COG5: variants seen among roughly 807,000 people sequenced by gnomAD.
COG5 encodes conserved oligomeric Golgi complex subunit 5.
In COG5, 86 loss-of-function variants were observed where a neutral mutation model predicts 110.4. The observed-to-expected ratio is 0.78, with a 90% CI of 0.65 to 0.93. COG5 has a LOEUF of 0.93. Ranked by LOEUF, COG5 falls within the 40% of genes least tolerant of loss-of-function variation. The pLI is 0.00. For synonymous variants in COG5, 360 were observed against 334.6 expected (o/e 1.08, Z -0.83); for missense variants, 1,077 against 987.0 (o/e 1.09, Z -1.22).
chr7:107,341,570 A>C (rs1273090434), intron 10 of COG5, among the ~76,000 whole-genome samples: 2 of 152,140 alleles, frequency 1.3e-5, no homozygotes, highest in Non-Finnish European at 2.9e-5. Flanking sequence ...TGAATAGTTA[A>C]AGCATCCTAA....
Position 107,256,831 on chromosome 7 carries a change from A to G in COG5, c.1687-37T>C, listed in dbSNP as rs1156826925. 2.0e-6 allele frequency: 3 copies of G among 1,481,078 alleles called. No homozygotes were observed. In the South Asian group the frequency reaches 3.4e-5, roughly 17 times the overall value. The allele number at this position is 1,481,078 out of a possible 1,614,324, so 91.7% of individuals were successfully genotyped here. A position where few individuals can be genotyped will look rare whatever the true frequency, so the allele number is the denominator to read the frequency against. On this transcript the variant is annotated intron_variant, in intron 15 of 21. Coordinates refer to ENST00000297135, the MANE Select transcript of COG5 (RefSeq NM_006348.5). The stretch of plus-strand genomic sequence containing the variant: ...TTTTGATCCAGTTATAGTTTCGCTT[A>G]AGTCTATTTCTGTAAATACTAATTT...
intron 6 of COG5, among the ~76,000 whole-genome samples, chr7:107,449,239 C>A (rs1402092617): frequency 6.6e-6 from 1 of 152,088 alleles, no homozygotes; most frequent in Non-Finnish European, 1.5e-5. Flanking sequence ...GGACTTAAAA[C>A]CTAGATGATG....
chr7:107,492,483 C>T (rs2129129209), intron 6 of COG5, among the ~76,000 whole-genome samples: 1 of 152,178 alleles, frequency 6.6e-6, no homozygotes, highest in African/African-American at 2.4e-5. Flanking sequence ...TCTGGAGGCC[C>T]TTAGGGGAGA....
intron 10 of COG5, among the ~76,000 whole-genome samples, chr7:107,346,284 C>G (rs1478853128): frequency 6.6e-6 from 1 of 152,082 alleles, no homozygotes; most frequent in Non-Finnish European, 1.5e-5. Context: ...TCATTTAAAA[C>G]TACTGAAGGA....
chr7:107,482,947 TA>T (rs1350505017), intron 6 of COG5, among the ~76,000 whole-genome samples: 14 of 152,208 alleles, frequency 9.2e-5, no homozygotes. Flanking sequence ...CGCTAAAACA[TA>T]ACTGACATAA....
rs116605831 is a variant in COG5 at position 107,469,751 on chromosome 7, C to A, written c.539-57119G>T. 7.2e-3 allele frequency among the ~76,000 whole-genome samples: 1,092 copies of A among 151,962 alleles called. 15 individuals carry two copies. The highest frequency in any genetic ancestry group is 0.023 in the African/African-American group (961 of 41,448). ...CTTTAGAAAGCATATATACTTTTTA[C>A]TATGTAATTCTTTCCTGTTCCCCCA... On this transcript the variant is annotated intron_variant, in intron 6 of 21. Transcript: ENST00000297135.
chr7:107,291,491 T>C (rs778724702), intron 12 of COG5, among the ~76,000 whole-genome samples: 5 of 152,212 alleles, frequency 3.3e-5, no homozygotes, highest in African/African-American at 7.2e-5. Flanking sequence ...ATTATTTTAA[T>C]GAAGTCTATC....
At chr7:107,390,396 G>C (rs750842083) in intron 7 of COG5, among the ~76,000 whole-genome samples, 7 of 152,118 alleles carry the variant, frequency 4.6e-5, no homozygotes, top group Admixed American at 1.3e-4. Flanking sequence ...CCTCGAGGCT[G>C]CTTTGGAATA....
chr7:107,541,835 G>A lies in COG5; in HGVS notation c.417+6276C>T, dbSNP rs1037547873. Among the ~76,000 whole-genome samples, 4 of 151,130 alleles carry A rather than the reference G, an allele frequency of 2.6e-5. 1 individual carries two copies. The highest frequency in any genetic ancestry group is 5.9e-5 in the Non-Finnish European group (4 of 67,838). On this transcript the variant is annotated intron_variant, in intron 5 of 21. Coordinates refer to ENST00000297135, the MANE Select transcript of COG5 (RefSeq NM_006348.5). ...ACTCCCAGCTACTCAGGAGGCTGAG[G>A]CAGAAGAATTGCTTGAAGCCAGGAG...
intron 10 of COG5, among the ~76,000 whole-genome samples, chr7:107,335,617 T>C (rs1469728107): frequency 6.6e-6 from 1 of 152,168 alleles, no homozygotes; most frequent in Non-Finnish European, 1.5e-5. Flanking sequence ...TCTTACTTAT[T>C]AGTAATAACA....
chr7:107,445,429 T>C (rs1408778402), intron 6 of COG5, among the ~76,000 whole-genome samples: 4 of 152,156 alleles, frequency 2.6e-5, no homozygotes, highest in Non-Finnish European at 4.4e-5. Flanking sequence ...CTTAAGAATA[T>C]TAAACTTTTC....
At chr7:107,250,810 G>C (rs1026817079) in intron 16 of COG5, among the ~76,000 whole-genome samples, 4 of 152,204 alleles carry the variant, frequency 2.6e-5, no homozygotes, top group African/African-American at 9.6e-5. Context: ...CAATGAACCT[G>C]AAGACAGAAT....
intron 3 of COG5, among the ~76,000 whole-genome samples, chr7:107,550,944 T>C (rs1457064246): frequency 6.6e-6 from 1 of 152,124 alleles, no homozygotes; most frequent in Admixed American, 6.5e-5. Context: ...AAAAGGACAG[T>C]GACTTTGTCT....
intron 14 of COG5, among the ~76,000 whole-genome samples, chr7:107,274,772 A>G (rs970873381): frequency 6.6e-6 from 1 of 152,062 alleles, no homozygotes; most frequent in Admixed American, 6.6e-5. Context: ...ACTAATACAG[A>G]CTTTGACCTG....
chr7:107,216,307 G>T (rs1190515215), intron 19 of COG5, among the ~76,000 whole-genome samples: 2 of 152,152 alleles, frequency 1.3e-5, no homozygotes, highest in Non-Finnish European at 2.9e-5. Context: ...AATTGTAGGG[G>T]ACTTCAATAC....
intron 6 of COG5, among the ~76,000 whole-genome samples, chr7:107,499,782 T>C (rs1270950298): frequency 6.6e-6 from 1 of 152,106 alleles, no homozygotes; most frequent in Non-Finnish European, 1.5e-5. Context: ...AATAGGCGAA[T>C]AGTGTATCTC....
chr7:107,351,156 A>G (rs771943272), intron 10 of COG5, among the ~76,000 whole-genome samples: 2 of 152,216 alleles, frequency 1.3e-5, no homozygotes, highest in African/African-American at 4.8e-5. Context: ...ATAATGCCAC[A>G]TATCTACAAC....
intron 17 of COG5, among the ~76,000 whole-genome samples, chr7:107,246,750 G>A (rs1802088138): frequency 6.6e-6 from 1 of 152,168 alleles, no homozygotes; most frequent in Admixed American, 6.5e-5. Flanking sequence ...AGAGAAAAGG[G>A]AACACTTATA....
chr7:107,509,230 T>C (rs1414001419), intron 6 of COG5, among the ~76,000 whole-genome samples: 3 of 151,912 alleles, frequency 2.0e-5, no homozygotes, highest in Non-Finnish European at 4.4e-5. Context: ...AAGCCAAGGC[T>C]CAAGAACTAC....
Sources: allele counts gnomAD v4.1 joint callset (sites outside exome capture counted in the v4.1 genomes callset), GRCh38; gene constraint gnomAD v4.1.1; transcripts MANE v1.5; gene names NCBI Gene and HGNC (gene_info 2026-07-23, HGNC 2026-07-21).